The following ANK3 variants were observed in gnomAD, a reference collection of about 807,000 sequenced individuals.
ANK3 encodes ankyrin 3, also known as ankyrin-3.
Under a neutral mutation model 370.9 loss-of-function variants are expected in ANK3, and 57 were observed. That is an observed-to-expected ratio of 0.15 (90% CI 0.12 to 0.19). The LOEUF (loss-of-function observed/expected upper bound fraction) is 0.19, where lower values mean the gene tolerates loss of function less well. ANK3 is among the 10% of genes least tolerant of loss of function. The pLI, the probability that ANK3 is intolerant of heterozygous loss-of-function variation, is 1.00. For synonymous variants in ANK3, 1,929 were observed against 1,946.3 expected (o/e 0.99, Z 0.23); for missense variants, 4,439 against 5,302.1 (o/e 0.84, Z 5.06).
At chr10:60,590,673 A>G (rs2077896470) in intron 2 of ANK3, among the ~76,000 whole-genome samples, 2 of 152,248 alleles carry the variant, frequency 1.3e-5, no homozygotes, top group African/African-American at 4.8e-5. Flanking sequence ...TTTAGTAGAC[A>G]TGGACATTGG....
rs540384183 is a variant in ANK3 at position 60,560,078 on chromosome 10, G to T, written c.96+55108C>A. 5.9e-5 allele frequency among the ~76,000 whole-genome samples: 9 copies of T among 152,146 alleles called. No homozygotes were observed. The East Asian group carries it at 1.5e-3, about 26-fold the overall frequency. On this transcript the variant is annotated intron_variant, in intron 2 of 43. Transcript: ENST00000373827. ...ATAGATAGATGGATAGAGAGAGAGA[G>T]AGAGATAGAAAAATATAATTGGCAT... is the stretch of plus-strand genomic sequence containing the variant.
chr10:60,290,179 A>G (rs563956128), intron 1 of ANK3, among the ~76,000 whole-genome samples: 3 of 152,332 alleles, frequency 2.0e-5, no homozygotes, highest in Non-Finnish European at 2.9e-5. Flanking sequence ...CATTCATACT[A>G]TAATCTGCCG....
At chr10:60,704,451 G>A (rs1424108178) in intron 1 of ANK3, among the ~76,000 whole-genome samples, 2 of 151,998 alleles carry the variant, frequency 1.3e-5, no homozygotes, top group African/African-American at 4.8e-5. Flanking sequence ...GAAGTTTAGT[G>A]TAATTACACA....
intron 8 of ANK3, among the ~76,000 whole-genome samples, chr10:60,228,610 C>G (rs1193204207): frequency 6.7e-6 from 1 of 148,410 alleles, no homozygotes; most frequent in Non-Finnish European, 1.5e-5. Flanking sequence ...ATGTTTGAAA[C>G]AATTTAGTAT....
intron 8 of ANK3, among the ~76,000 whole-genome samples, chr10:60,221,986 G>A (rs569817486): frequency 6.6e-6 from 1 of 152,322 alleles, no homozygotes; most frequent in East Asian, 1.9e-4. Context: ...GACAAAGTCA[G>A]CTGTTTCCCC....
chr10:60,565,636 AT>A (rs1366650680), intron 2 of ANK3, among the ~76,000 whole-genome samples: 1 of 152,104 alleles, frequency 6.6e-6, no homozygotes, highest in Admixed American at 6.5e-5. Context: ...TATACAAACC[AT>A]TGCTTAGATT....
chr10:60,541,401 G>T (rs1215231324), intron 2 of ANK3, among the ~76,000 whole-genome samples: 2 of 151,932 alleles, frequency 1.3e-5, no homozygotes, highest in Non-Finnish European at 2.9e-5. Context: ...GAAAATAAAA[G>T]ATAGGTTTAA....
intron 1 of ANK3, chr10:60,733,224 T>A: frequency 8.1e-7 from 1 of 1,236,754 alleles, no homozygotes; most frequent in Non-Finnish European, 1.0e-6. Context: ...TGCCCCTGGG[T>A]GAAGGCAGCC....
At position 60,720,809 on chromosome 10, in the gene ANK3, T is replaced by A. The variant is rs544678263; in HGVS notation, c.57+12454A>T. On this transcript the variant is annotated intron_variant, in intron 1 of 43. Coordinates refer to the ANK3 transcript ENST00000373827. The stretch of plus-strand genomic sequence containing the variant: ...TGTATTTTTTGTAGAGATAGGGTTT[T>A]GCCATATTGCCTAGGCTGGTCTCAA... Among the ~76,000 whole-genome samples, 26 of 152,238 alleles carry A rather than the reference T, an allele frequency of 1.7e-4. No individual in the cohort carries two copies. The South Asian group carries it at 5.4e-3, about 32-fold the overall frequency.
intron 2 of ANK3, among the ~76,000 whole-genome samples, chr10:60,543,653 T>A (rs894747132): frequency 6.6e-6 from 1 of 152,110 alleles, no homozygotes; most frequent in East Asian, 1.9e-4. Flanking sequence ...CCACTATTTA[T>A]ACATTTTTAT....
At chr10:60,678,446 C>A (rs2079154610) in intron 1 of ANK3, among the ~76,000 whole-genome samples, 2 of 151,908 alleles carry the variant, frequency 1.3e-5, no homozygotes, top group Admixed American at 6.6e-5. Flanking sequence ...AGCCAAAAGT[C>A]TAGATAAGAT....
chr10:60,398,607 A>G (rs2063291843), intron 2 of ANK3, among the ~76,000 whole-genome samples: 1 of 152,138 alleles, frequency 6.6e-6, no homozygotes, highest in Non-Finnish European at 1.5e-5. Flanking sequence ...TGCTATGTAC[A>G]TTTTCTATAC....
chr10:60,076,401 A>G lies in ANK3; in HGVS notation c.4480T>C (p.Tyr1494His). ...GGTCTTGTAGAAAAGAATGGCTTGTATGAGTAAGTGGTGGGGAGGGATCTT... is the reference window on the plus strand; with the variant it reads ...GGTCTTGTAGAAAAGAATGGCTTGTGTGAGTAAGTGGTGGGGAGGGATCTT... ...ATRSLPTTYS[Y>H]KPFFSTRPYQ... The change falls in exon 37 of 44, where the codon TAC becomes CAC. Residue 1494 changes from tyrosine to histidine, a missense_variant. Coordinates refer to ENST00000280772, the MANE Select transcript of ANK3 (RefSeq NM_020987.5). 1 of 1,613,614 alleles carries G rather than the reference A, an allele frequency of 6.2e-7. No individual in the cohort carries two copies. Among genetic ancestry groups the G allele is most frequent in the Non-Finnish European group, 8.5e-7 (1 of 1,179,810 alleles).
Position 60,608,416 on chromosome 10 carries a change from C to T in ANK3, c.96+6770G>A, listed in dbSNP as rs77985691. 2.7e-3 allele frequency among the ~76,000 whole-genome samples: 415 copies of T among 152,180 alleles called. 2 individuals carry two copies. Among genetic ancestry groups the T allele is most frequent in the African/African-American group, 9.6e-3 (397 of 41,530 alleles). The stretch of plus-strand genomic sequence containing the variant: ...AAGGAAGCATTTTTTATTGCAATAA[C>T]GTCTTCAGTTGGGAGATACAGACTA... On this transcript the variant is annotated intron_variant, in intron 2 of 43. Coordinates refer to the ANK3 transcript ENST00000373827.
chr10:60,633,004 T>C (rs1218973760), intron 1 of ANK3, among the ~76,000 whole-genome samples: 2 of 152,242 alleles, frequency 1.3e-5, no homozygotes, highest in East Asian at 3.8e-4. Flanking sequence ...TTATTGTCTC[T>C]ATTAGGTATT....
chr10:60,409,917 C>T (rs1040051825), intron 2 of ANK3, among the ~76,000 whole-genome samples: 2 of 152,182 alleles, frequency 1.3e-5, no homozygotes, highest in African/African-American at 4.8e-5. Flanking sequence ...TCACGGATCA[C>T]GTGCTCTGAG....
In ANK3 at chr10:60,042,071, C is replaced by T. The variant is rs113912372; in HGVS notation, c.*19+601G>A. Among the ~76,000 whole-genome samples, 377 of 152,248 alleles carry T rather than the reference C, an allele frequency of 2.5e-3. 4 individuals are homozygous for T. Among genetic ancestry groups the T allele is most frequent in the African/African-American group, 8.3e-3 (347 of 41,560 alleles). ...ATAGGACAATGTAAAAGGAAAATAA[C>T]GTGATCTGTAAAGAAAAGTCCAGGC... On this transcript the variant is annotated intron_variant, in intron 43 of 43. Transcript: ENST00000280772.
chr10:60,625,923 T>A (rs2078404041), intron 1 of ANK3, among the ~76,000 whole-genome samples: 1 of 152,138 alleles, frequency 6.6e-6, no homozygotes, highest in Non-Finnish European at 1.5e-5. Flanking sequence ...GCTGAATGAA[T>A]AAATAAACAG....
At chr10:60,577,270 A>G (rs976949481) in intron 2 of ANK3, among the ~76,000 whole-genome samples, 5 of 152,076 alleles carry the variant, frequency 3.3e-5, no homozygotes, top group Admixed American at 2.6e-4. Context: ...CTGCTTGCCC[A>G]CTATCTCAAG....
Sources: gnomAD v4.1 joint callset for allele counts (sites outside exome capture counted in the v4.1 genomes callset) on GRCh38, gnomAD v4.1.1 for gene constraint, MANE v1.5 for transcripts, NCBI Gene and HGNC (gene_info 2026-07-23, HGNC 2026-07-21) for gene names.